The following PCDH11Y variants were observed in gnomAD, a reference collection of about 807,000 sequenced individuals.
The protein encoded by PCDH11Y is protocadherin-11 Y-linked.
For missense variants in PCDH11Y, 12 were observed against 224.8 expected (o/e 0.05, Z 6.05); for synonymous variants, 9 against 83.6 (o/e 0.11, Z 4.87).
chrY:5,065,092 T>C, intron 1 of PCDH11Y, among the ~76,000 whole-genome samples: 1 of 33,329 alleles, frequency 3.0e-5, no homozygotes, highest in Non-Finnish European at 7.4e-5. Context: ...TATTTAAAGT[T>C]TTATTGTCTC....
At chrY:5,628,676 T>A (rs1602953943) in intron 4 of PCDH11Y, among the ~76,000 whole-genome samples, 2 of 34,244 alleles carry the variant, frequency 5.8e-5, no homozygotes, top group Non-Finnish European at 1.5e-4. Context: ...GATTTCTGTT[T>A]CAGATTCTCA....
intron 4 of PCDH11Y, among the ~76,000 whole-genome samples, chrY:5,661,895 GAATGTAGGTA>G (rs2053541369): frequency 2.1e-4 from 7 of 32,696 alleles, no homozygotes; most frequent in Non-Finnish European, 3.7e-4. Context: ...TATTTTCTGT[GAATGTAGGTA>G]AAATAACTTC....
chrY:5,691,372 T>G (rs1602960524), intron 4 of PCDH11Y, among the ~76,000 whole-genome samples: 20 of 33,968 alleles, frequency 5.9e-4, no homozygotes, highest in African/African-American at 2.2e-3. Flanking sequence ...CATGTCACTA[T>G]GAAACTTCTT....
intron 2 of PCDH11Y, among the ~76,000 whole-genome samples, chrY:5,240,888 T>C: frequency 4.5e-5 from 1 of 22,018 alleles, no homozygotes; most frequent in Admixed American, 4.4e-4. Context: ...AGAGTCAATA[T>C]GTACTTTGAA....
At chrY:5,676,757 T>C in intron 4 of PCDH11Y, among the ~76,000 whole-genome samples, 1 of 33,011 alleles carries the variant, frequency 3.0e-5, no homozygotes, top group Non-Finnish European at 7.4e-5. Context: ...TCTATATCAC[T>C]ATCAGCACTT....
intron 4 of PCDH11Y, among the ~76,000 whole-genome samples, chrY:5,681,062 A>G: frequency 3.0e-5 from 1 of 33,037 alleles, no homozygotes; most frequent in Non-Finnish European, 7.5e-5. Context: ...CCACACTCCC[A>G]AAGGTCATTG....
At chrY:5,326,281 G>C in intron 2 of PCDH11Y, among the ~76,000 whole-genome samples, 2 of 32,293 alleles carry the variant, frequency 6.2e-5, no homozygotes, top group African/African-American at 1.2e-4. Context: ...TTCCTGACTC[G>C]GGCATGTTGA....
intron 4 of PCDH11Y, among the ~76,000 whole-genome samples, chrY:5,597,443 T>C (rs2124699173): frequency 3.6e-5 from 1 of 27,696 alleles, no homozygotes; most frequent in Admixed American, 3.5e-4. Flanking sequence ...CATCTACTTT[T>C]AGTTCTTTAA....
intron 4 of PCDH11Y, among the ~76,000 whole-genome samples, chrY:5,698,780 T>A: frequency 9.0e-5 from 3 of 33,499 alleles, no homozygotes; most frequent in Admixed American, 8.2e-4. Context: ...TCAGCAAATT[T>A]CATTATTACC....
At chrY:5,286,960 A>G (rs2053061036) in intron 2 of PCDH11Y, among the ~76,000 whole-genome samples, 38 of 33,235 alleles carry the variant, frequency 1.1e-3, no homozygotes, top group African/African-American at 4.0e-3. Flanking sequence ...TAGAGTGGTC[A>G]TCTTTGTCTT....
At position 5,559,321 on chromosome Y, in the gene PCDH11Y, A is replaced by G. The variant is rs2053426774; in HGVS notation, c.3329-22454A>G. On this transcript the variant is annotated intron_variant, in intron 3 of 4. Transcript: ENST00000400457. The stretch of plus-strand genomic sequence containing the variant: ...CACAAAGCAGAATTTAAAAAAAAGA[A>G]AGAATACTTTCTGAGTATCAACCAA... Among the ~76,000 whole-genome samples the G allele has an allele frequency of 9.0e-5, 3 of 33,484 alleles. No homozygotes were observed. In the East Asian group the frequency reaches 2.4e-3, roughly 26 times the overall value. The allele number at this position is 33,484 out of a possible 37,273, so 89.8% of individuals were successfully genotyped here. A position where few individuals can be genotyped will look rare whatever the true frequency, so the allele number is the denominator to read the frequency against.
At chrY:5,643,271 C>T in intron 4 of PCDH11Y, among the ~76,000 whole-genome samples, 2 of 29,159 alleles carry the variant, frequency 6.9e-5, no homozygotes, top group South Asian at 8.2e-4. Context: ...GATTGGTGTT[C>T]GAGAACATTT....
chrY:5,638,303 T>C, intron 4 of PCDH11Y, among the ~76,000 whole-genome samples: 1 of 31,165 alleles, frequency 3.2e-5, no homozygotes, highest in African/African-American at 1.2e-4. Flanking sequence ...CATTTCTTCA[T>C]TTGCAAAATG....
At chrY:5,146,359 G>A in intron 2 of PCDH11Y, among the ~76,000 whole-genome samples, 1 of 32,671 alleles carries the variant, frequency 3.1e-5, no homozygotes, top group African/African-American at 1.2e-4. Flanking sequence ...CACTTTTGCA[G>A]CATATAACCA....
intron 2 of PCDH11Y, among the ~76,000 whole-genome samples, chrY:5,148,253 G>T: frequency 3.0e-5 from 1 of 32,960 alleles, no homozygotes; most frequent in Non-Finnish European, 7.5e-5. Context: ...AAGAAATTGA[G>T]TACCTTTTGT....
rs2052991471 is a variant in PCDH11Y at position 5,243,707 on chromosome Y, A to AT, written c.3129+143001dup. Among the ~76,000 whole-genome samples the AT allele has an allele frequency of 1.0e-4, 3 of 29,964 alleles. No individual in the cohort carries two copies. In the East Asian group the frequency reaches 2.6e-3, roughly 26 times the overall value. 80.4% of individuals were successfully genotyped at this position (29,964 alleles called of 37,273 possible). On this transcript the variant is annotated intron_variant, in intron 2 of 4. Transcript: ENST00000400457. ...AGAGGAAGGAAGCTGGAAACACTGCATAGGGCTACTTCACACCAGGACTCA... is the reference window on the plus strand; with the variant it reads ...AGAGGAAGGAAGCTGGAAACACTGCATTAGGGCTACTTCACACCAGGACTCA...
chrY:5,324,880 AAG>A (rs2053116814), intron 2 of PCDH11Y, among the ~76,000 whole-genome samples: 1 of 32,125 alleles, frequency 3.1e-5, no homozygotes, highest in African/African-American at 1.2e-4. Flanking sequence ...TGAGTCCGAA[AAG>A]AGAGTCAGTG....
At chrY:5,471,019 G>A in intron 2 of PCDH11Y, among the ~76,000 whole-genome samples, 2 of 31,112 alleles carry the variant, frequency 6.4e-5, no homozygotes, top group Non-Finnish European at 1.6e-4. Context: ...TTAAACTTTA[G>A]TTTAAAGCAA....
chrY:5,487,292 T>G, intron 2 of PCDH11Y, among the ~76,000 whole-genome samples: 7 of 32,134 alleles, frequency 2.2e-4, no homozygotes, highest in African/African-American at 8.6e-4. Context: ...CTCCGCCTCC[T>G]GGGTTCAAGC....
Sources: gnomAD v4.1 joint callset for allele counts (sites outside exome capture counted in the v4.1 genomes callset) on GRCh38, gnomAD v4.1.1 for gene constraint, MANE v1.5 for transcripts, NCBI Gene and HGNC (gene_info 2026-07-23, HGNC 2026-07-21) for gene names.